The following TMEM135 variants were observed in gnomAD, a reference collection of about 807,000 sequenced individuals.
TMEM135 encodes the protein peroxisomal membrane protein 52.
Under a neutral mutation model 60.3 loss-of-function variants are expected in TMEM135, and 30 were observed. That is an observed-to-expected ratio of 0.50 (90% CI 0.37 to 0.68). The LOEUF is 0.68. TMEM135 is among the 30% of genes least tolerant of loss of function. TMEM135 has a pLI of 0.00. For synonymous variants in TMEM135, 190 were observed against 186.7 expected, an observed-to-expected ratio of 1.02 and a Z score of -0.14; for missense variants, 468 against 548.8, an observed-to-expected ratio of 0.85 and a Z score of 1.47.
chr11:87,039,666 A>G (rs1029547979), intron 1 of TMEM135, among the ~76,000 whole-genome samples: 3 of 152,204 alleles, frequency 2.0e-5, no homozygotes, highest in African/African-American at 7.2e-5. Context: ...TCAGATTTGT[A>G]AAAAATAAAA....
chr11:87,099,682 GTTTT>G lies in TMEM135; in HGVS notation c.396+8304_396+8307del, dbSNP rs57019125. Among the ~76,000 whole-genome samples the G allele has an allele frequency of 1.3e-3, 137 of 109,362 alleles. 1 individual carries two copies. The highest frequency in any genetic ancestry group is 5.6e-3 in the East Asian group (22 of 3,916). The allele number at this position is 109,362 out of a possible 152,430, so 71.7% of individuals were successfully genotyped here. ...TATTGTGGTTACATGTTTCATGGTG[GTTTT>G]TTTTTTTTTTTTTTTTGAGGCAGAG... On this transcript the variant is annotated intron_variant, in intron 4 of 14. Transcript: ENST00000305494.
intron 1 of TMEM135, among the ~76,000 whole-genome samples, chr11:87,059,739 A>G (rs1336408365): frequency 6.6e-6 from 1 of 152,260 alleles, no homozygotes; most frequent in Non-Finnish European, 1.5e-5. Flanking sequence ...GAAGGAAACT[A>G]GCATTTTCAA....
At chr11:87,046,690 T>C (rs1294183838) in intron 1 of TMEM135, among the ~76,000 whole-genome samples, 1 of 152,206 alleles carries the variant, frequency 6.6e-6, no homozygotes, top group Non-Finnish European at 1.5e-5. Flanking sequence ...AGATGAAAGT[T>C]GAGCCCATGA....
intron 8 of TMEM135, among the ~76,000 whole-genome samples, chr11:87,305,386 T>A (rs1206046525): frequency 1.3e-5 from 2 of 152,156 alleles, no homozygotes; most frequent in Non-Finnish European, 1.5e-5. Flanking sequence ...GTTTATACAA[T>A]GTGTCAAATG....
chr11:87,130,908 T>C (rs10898604), intron 4 of TMEM135, among the ~76,000 whole-genome samples: 14,123 of 151,922 alleles, frequency 0.093, 762 homozygotes, highest in East Asian at 0.18. Flanking sequence ...GTGCTAATTC[T>C]AATTTATGTG....
intron 5 of TMEM135, among the ~76,000 whole-genome samples, chr11:87,192,688 A>T (rs1231074183): frequency 6.6e-6 from 1 of 152,224 alleles, no homozygotes. Context: ...TTGATAAAAC[A>T]ATTTGAATTT....
rs919325783 is a variant in TMEM135 at position 87,133,176 on chromosome 11, A to G, written c.397-24165A>G. Among the ~76,000 whole-genome samples, 7 of 152,194 alleles carry G rather than the reference A, an allele frequency of 4.6e-5. 1 individual carries two copies. The highest frequency in any genetic ancestry group is 1.0e-4 in the Non-Finnish European group (7 of 68,032). On this transcript the variant is annotated intron_variant, in intron 4 of 14. Coordinates refer to ENST00000305494, the MANE Select transcript of TMEM135 (RefSeq NM_022918.4). ...ACAGTTTAAAACTGATGAATTATTTATTTCTGGAATATTCCATTGAATATT... is the reference window on the plus strand; with the variant it reads ...ACAGTTTAAAACTGATGAATTATTTGTTTCTGGAATATTCCATTGAATATT...
intron 5 of TMEM135, among the ~76,000 whole-genome samples, chr11:87,224,856 AGCTTACTCAT>A (rs535186361): frequency 3.6e-4 from 54 of 152,010 alleles, no homozygotes; most frequent in African/African-American, 1.2e-3. Context: ...CACATTGAAA[AGCTTACTCAT>A]GCAGTTTATC....
rs761199433 is a variant in TMEM135 at position 87,302,395 on chromosome 11, C to G, written c.651C>G (p.Pro217=). 47 of 1,613,706 alleles carry G rather than the reference C, an allele frequency of 2.9e-5. No individual in the cohort carries two copies. Among genetic ancestry groups the G allele is most frequent in the Middle Eastern group, 1.6e-4 (1 of 6,080 alleles). ...AGAGAGAGCAACATGAGGAAAAACC[C>G]GGAAGAATGAATATGATTGGTCTAG... ...EQKREQHEEK[P]GRMNMIGLVR... is the part of the protein sequence containing the mutation. Residue 217 remains proline, a synonymous_variant, in exon 8 of 15, where the codon CCC becomes CCG. Transcript: ENST00000305494.
At chr11:87,056,974 G>T (rs1299579853) in intron 1 of TMEM135, among the ~76,000 whole-genome samples, 1 of 152,092 alleles carries the variant, frequency 6.6e-6, no homozygotes, top group African/African-American at 2.4e-5. Context: ...AAGATGGCAG[G>T]GTATGAAAGA....
At chr11:87,139,925 A>G (rs1938216436) in intron 4 of TMEM135, among the ~76,000 whole-genome samples, 1 of 152,088 alleles carries the variant, frequency 6.6e-6, no homozygotes, top group Admixed American at 6.6e-5. Context: ...TATCTGTTGA[A>G]ATCTTTTGAT....
At chr11:87,142,656 C>T (rs1206197711) in intron 4 of TMEM135, among the ~76,000 whole-genome samples, 1 of 151,690 alleles carries the variant, frequency 6.6e-6, no homozygotes, top group Non-Finnish European at 1.5e-5. Context: ...TTGTGTTTTT[C>T]CTTTTTGGAG....
chr11:87,070,977 C>T (rs974055560), intron 2 of TMEM135, among the ~76,000 whole-genome samples: 32 of 152,042 alleles, frequency 2.1e-4, no homozygotes, highest in African/African-American at 7.5e-4. Context: ...TCATATAGTT[C>T]TCTTAATGGC....
intron 6 of TMEM135, among the ~76,000 whole-genome samples, chr11:87,246,075 T>C (rs1941261802): frequency 2.8e-5 from 4 of 143,228 alleles, no homozygotes; most frequent in Admixed American, 2.8e-4. Context: ...GGCATTTGCT[T>C]GTCTGTAAAG....
chr11:87,258,173 G>A (rs574680572), intron 6 of TMEM135, among the ~76,000 whole-genome samples: 4 of 135,666 alleles, frequency 2.9e-5, no homozygotes, highest in Non-Finnish European at 4.8e-5. Flanking sequence ...ACTGTATTCT[G>A]TGTTTATTTT....
At chr11:87,136,569 G>A (rs1378523737) in intron 4 of TMEM135, among the ~76,000 whole-genome samples, 1 of 151,886 alleles carries the variant, frequency 6.6e-6, no homozygotes, top group Admixed American at 6.6e-5. Flanking sequence ...TTTGAGAAAT[G>A]GGATTATTTC....
chr11:87,246,432 T>C (rs1941272953), intron 6 of TMEM135, among the ~76,000 whole-genome samples: 2 of 152,140 alleles, frequency 1.3e-5, no homozygotes, highest in Non-Finnish European at 1.5e-5. Context: ...TCCTGGATAA[T>C]ATCCTGCAGA....
At chr11:87,234,785 G>A (rs1940959453) in intron 5 of TMEM135, among the ~76,000 whole-genome samples, 1 of 151,908 alleles carries the variant, frequency 6.6e-6, no homozygotes, top group Non-Finnish European at 1.5e-5. Context: ...CTTAAACATT[G>A]TACTTTTTCT....
At chr11:87,236,800 C>G (rs1941006701) in intron 6 of TMEM135, 116 bp downstream of exon 6, 3 of 912,532 alleles carry the variant, frequency 3.3e-6, no homozygotes, top group Admixed American at 3.9e-5. Flanking sequence ...CAGCATACTC[C>G]CCCCGCACCC....
Sources: gnomAD v4.1 joint callset for allele counts (sites outside exome capture counted in the v4.1 genomes callset) on GRCh38, gnomAD v4.1.1 for gene constraint, MANE v1.5 for transcripts, NCBI Gene and HGNC (gene_info 2026-07-23, HGNC 2026-07-21) for gene names.